HERC4: variants seen among roughly 807,000 people sequenced by gnomAD.
The protein encoded by HERC4 is HECT and RLD domain containing E3 ubiquitin protein ligase 4.
Under a neutral mutation model 124.3 loss-of-function variants are expected in HERC4, and 28 were observed. The observed-to-expected ratio is 0.23, with a 90% CI of 0.17 to 0.31. HERC4 has a LOEUF of 0.31. Among genes scored for constraint, HERC4 ranks in the 10% least tolerant of loss-of-function variants. The probability of loss-of-function intolerance (pLI) is 1.00; values close to 1 mark genes in which losing one functional copy is unlikely to be tolerated. For synonymous variants in HERC4, 407 were observed against 421.5 expected (o/e 0.97, Z 0.42); for missense variants, 713 against 1,229.3 (o/e 0.58, Z 6.28).
chr10:68,062,775 T>TA (rs57830654), intron 3 of HERC4, among the ~76,000 whole-genome samples: 6,696 of 151,820 alleles, frequency 0.044, 516 homozygotes, highest in African/African-American at 0.15. Flanking sequence ...AAATAATAAA[T>TA]AAAAAATAAA....
chr10:67,942,908 T>C (rs1167402864), intron 19 of HERC4, among the ~76,000 whole-genome samples: 1 of 152,216 alleles, frequency 6.6e-6, no homozygotes, highest in Non-Finnish European at 1.5e-5. Flanking sequence ...AACACATTTT[T>C]CTTTTGAGTT....
chr10:68,059,618 A>ATTATATATT (rs1353106442), intron 3 of HERC4, among the ~76,000 whole-genome samples: 1 of 89,914 alleles, frequency 1.1e-5, no homozygotes, highest in Admixed American at 1.6e-4. Context: ...TATATATCAT[A>ATTATATATT]ATATTATATA....
chr10:68,043,802 C>A (rs761099073), intron 4 of HERC4, among the ~76,000 whole-genome samples: 1 of 152,084 alleles, frequency 6.6e-6, no homozygotes, highest in African/African-American at 2.4e-5. Flanking sequence ...GGCAACAGTG[C>A]GAGACTCTGT....
At chr10:68,004,312 C>T (rs117330564) in intron 9 of HERC4, among the ~76,000 whole-genome samples, 3,405 of 152,188 alleles carry the variant, frequency 0.022, 60 homozygotes, top group Non-Finnish European at 0.034. Flanking sequence ...CCTTATCAGA[C>T]GGGTAGTTTG....
intron 3 of HERC4, among the ~76,000 whole-genome samples, chr10:68,063,097 A>T (rs906709817): frequency 6.6e-6 from 1 of 151,938 alleles, no homozygotes; most frequent in Admixed American, 6.6e-5. Flanking sequence ...AACACTTAGC[A>T]TATTTTAATT....
At chr10:67,930,851 T>C (rs2031719694) in intron 23 of HERC4, among the ~76,000 whole-genome samples, 1 of 152,134 alleles carries the variant, frequency 6.6e-6, no homozygotes, top group African/African-American at 2.4e-5. Context: ...GGCTAATTTT[T>C]GTATTTTTAG....
At chr10:68,058,414 T>C (rs552115162) in intron 3 of HERC4, among the ~76,000 whole-genome samples, 2 of 152,258 alleles carry the variant, frequency 1.3e-5, no homozygotes, top group East Asian at 3.9e-4. Context: ...ATGAAAGCAA[T>C]ATAGTTTCCC....
intron 1 of HERC4, chr10:68,074,747 A>T (rs2041729657): frequency 6.6e-6 from 1 of 152,430 alleles, no homozygotes; most frequent in East Asian, 1.9e-4. Context: ...CCTCAACCTG[A>T]GAGAAGCCCA....
At chr10:68,040,547 A>G in intron 4 of HERC4, 2 of 564,762 alleles carry the variant, frequency 3.5e-6, no homozygotes, top group Non-Finnish European at 4.5e-6. Flanking sequence ...AAAAAAGATA[A>G]TGTGTTTAAT....
At chr10:67,992,066 T>C (rs2036580385) in intron 11 of HERC4, 133 bp downstream of exon 11, 5 of 727,438 alleles carry the variant, frequency 6.9e-6, no homozygotes, top group Non-Finnish European at 8.7e-6. Context: ...GCCCAGCTAA[T>C]TGTATTTTTT....
At chr10:68,031,901 G>A (rs930586941) in intron 7 of HERC4, among the ~76,000 whole-genome samples, 48 of 152,138 alleles carry the variant, frequency 3.2e-4, no homozygotes, top group Non-Finnish European at 1.2e-4. Flanking sequence ...ATAGGTGCCT[G>A]CCGCCATGCC....
chr10:67,979,877 C>T lies in HERC4; in HGVS notation c.1806+8786G>A, dbSNP rs576750511. On this transcript the variant is annotated intron_variant, in intron 15 of 24. Transcript: ENST00000373700. ...GCGTGAACCTGAGAGGTGGAGCTTG[C>T]GGTGAGCCGAGATAGTGCCACTGCA... is the stretch of plus-strand genomic sequence containing the variant. 2.6e-5 allele frequency among the ~76,000 whole-genome samples: 4 copies of T among 151,348 alleles called. No homozygotes were observed. In the East Asian group the frequency reaches 5.9e-4, roughly 22 times the overall value.
At chr10:67,951,669 G>A (rs116572004) in intron 19 of HERC4, among the ~76,000 whole-genome samples, 150 of 152,222 alleles carry the variant, frequency 9.9e-4, no homozygotes, top group African/African-American at 3.3e-3. Context: ...ATATGATTGC[G>A]TCTAGAGCTA....
In HERC4 at chr10:67,922,943, G is replaced by A. The variant is rs1167269131; in HGVS notation, c.3138C>T (p.Phe1046=). ...TATAACTCCAAAGTTATATTAAACTGAAGCCTTCATTGTGATCAATAGCTT... is the reference window on the plus strand; with the variant it reads ...TATAACTCCAAAGTTATATTAAACTAAAGCCTTCATTGTGATCAATAGCTT... ...LIQAIDHNEG[F]SLI The change falls in exon 25 of 25, where the codon TTC becomes TTT. Residue 1046 remains phenylalanine, a synonymous_variant. Coordinates refer to ENST00000373700, the MANE Select transcript of HERC4 (RefSeq NM_015601.4). 1.2e-6 allele frequency: 2 copies of A among 1,605,868 alleles called. No individual in the cohort carries two copies. Among genetic ancestry groups the A allele is most frequent in the Admixed American group, 3.4e-5 (2 of 58,666 alleles).
At chr10:67,959,497 TA>T (rs1251317510) in intron 16 of HERC4, among the ~76,000 whole-genome samples, 3 of 151,708 alleles carry the variant, frequency 2.0e-5, no homozygotes, top group Non-Finnish European at 2.9e-5. Flanking sequence ...TTTTTCTACT[TA>T]AAAAAAATGG....
chr10:68,035,042 G>T (rs756717741), intron 5 of HERC4, among the ~76,000 whole-genome samples: 3 of 151,772 alleles, frequency 2.0e-5, no homozygotes, highest in Non-Finnish European at 4.4e-5. Flanking sequence ...CTAAATAACT[G>T]ATACACTAAT....
At chr10:68,049,681 C>T (rs994837030) in intron 3 of HERC4, among the ~76,000 whole-genome samples, 8 of 149,492 alleles carry the variant, frequency 5.4e-5, no homozygotes, top group African/African-American at 1.7e-4. Flanking sequence ...GAGGCTGAGG[C>T]GGGAGGATGG....
chr10:68,005,673 CTTTTT>C (rs917004730), intron 9 of HERC4, among the ~76,000 whole-genome samples: 1 of 144,122 alleles, frequency 6.9e-6, no homozygotes. Context: ...TTTTAATTTC[CTTTTT>C]TTTTTTAATT....
chr10:67,942,063 C>T lies in HERC4; in HGVS notation c.2338-958G>A, dbSNP rs142952211. On this transcript the variant is annotated intron_variant, in intron 19 of 24. Coordinates refer to ENST00000373700, the MANE Select transcript of HERC4 (RefSeq NM_015601.4). Reference sequence around the variant, plus strand: ...TGCTTAGATAACTGAAACATACTTACACTACTGACACACTGAAAATGTTTA... The same window carrying T: ...TGCTTAGATAACTGAAACATACTTATACTACTGACACACTGAAAATGTTTA... Among the ~76,000 whole-genome samples, 80 of 152,280 alleles carry T rather than the reference C, an allele frequency of 5.3e-4. 4 individuals are homozygous for T. The East Asian group carries it at 0.015, about 29-fold the overall frequency.
Sources: allele counts gnomAD v4.1 joint callset (sites outside exome capture counted in the v4.1 genomes callset), GRCh38; gene constraint gnomAD v4.1.1; transcripts MANE v1.5; gene names NCBI Gene and HGNC (gene_info 2026-07-23, HGNC 2026-07-21).